NDUFC1: variants seen among roughly 807,000 people sequenced by gnomAD.
NDUFC1 encodes the protein NADH dehydrogenase [ubiquinone] 1 subunit C1, mitochondrial.
In NDUFC1, 11 loss-of-function variants were observed where a neutral mutation model predicts 11.6. That is an observed-to-expected ratio of 0.95 (90% CI 0.60 to 1.58). The LOEUF (loss-of-function observed/expected upper bound fraction) is 1.58. Among genes scored for constraint, NDUFC1 ranks in the 40% most tolerant of loss-of-function variants. The probability of loss-of-function intolerance (pLI) is 0.00; values close to 1 mark genes in which losing one functional copy is unlikely to be tolerated. For synonymous variants in NDUFC1, 52 were observed against 42.2 expected (o/e 1.23, Z -0.90); for missense variants, 112 against 93.0 (o/e 1.20, Z -0.84).
chr4:139,295,041 A>T lies in NDUFC1; in HGVS notation c.171+2T>A, dbSNP rs1236210874. 2 of 1,612,270 alleles carry T rather than the reference A, an allele frequency of 1.2e-6. No homozygotes were observed. On this transcript the variant is annotated splice_donor_variant, in intron 4 of 5. Transcript: ENST00000394223. LOFTEE classifies it high-confidence loss of function. ...CACGACATCCGGGAGTAAAGTACTT[A>T]CATAGATCCACAAGAAGACAGTGGT... is the stretch of plus-strand genomic sequence containing the variant.
chr4:139,298,293 G>C (rs1745549873), intron 1 of NDUFC1, among the ~76,000 whole-genome samples: 1 of 151,580 alleles, frequency 6.6e-6, no homozygotes, highest in Non-Finnish European at 1.5e-5. Context: ...TACAAAATTA[G>C]CCGGGCATGG....
intron 5 of NDUFC1, among the ~76,000 whole-genome samples, chr4:139,291,757 GAAT>G (rs761698679): frequency 2.0e-5 from 3 of 151,596 alleles, no homozygotes; most frequent in East Asian, 3.9e-4. Flanking sequence ...CACACACGAA[GAAT>G]AATAATTTGT....
intron 5 of NDUFC1, among the ~76,000 whole-genome samples, chr4:139,291,023 G>A (rs1472489449): frequency 6.6e-6 from 1 of 151,184 alleles, no homozygotes; most frequent in African/African-American, 2.4e-5. Flanking sequence ...CGTTGGCCAG[G>A]CTGGTCTCTA....
intron 4 of NDUFC1, among the ~76,000 whole-genome samples, chr4:139,292,815 T>C (rs1464584094): frequency 6.6e-6 from 1 of 151,040 alleles, no homozygotes; most frequent in Non-Finnish European, 1.5e-5. Flanking sequence ...CTTAAATATA[T>C]ATATATATAT....
chr4:139,293,147 A>G (rs940501779), intron 4 of NDUFC1, among the ~76,000 whole-genome samples: 26 of 152,244 alleles, frequency 1.7e-4, no homozygotes, highest in African/African-American at 5.8e-4. Context: ...TACTGCCAAA[A>G]ATTTTACCTC....
At chr4:139,300,695 C>T in intron 1 of NDUFC1, 1 of 152,156 alleles carries the variant, frequency 6.6e-6, no homozygotes, top group Non-Finnish European at 1.5e-5. Context: ...CTTCTAAGAT[C>T]TGAGAATTTC....
chr4:139,292,654 G>A, intron 4 of NDUFC1, 45 bp from the exon 5 acceptor site: 2 of 1,214,502 alleles, frequency 1.6e-6, no homozygotes, highest in South Asian at 2.9e-5. Context: ...AATCTTCCTG[G>A]ATACTTATAT....
At chr4:139,292,641 T>G in intron 4 of NDUFC1, 32 bp from the exon 5 acceptor site, 1 of 1,335,468 alleles carries the variant, frequency 7.5e-7, no homozygotes, top group Admixed American at 1.9e-5. Context: ...AAATTAGAAA[T>G]GTAATCTTCC....
At chr4:139,298,433 T>G in intron 1 of NDUFC1, among the ~76,000 whole-genome samples, 1 of 119,796 alleles carries the variant, frequency 8.3e-6, no homozygotes, top group Non-Finnish European at 1.7e-5. Flanking sequence ...AGCGAAACTC[T>G]GTCTCAAAAA....
intron 1 of NDUFC1, among the ~76,000 whole-genome samples, chr4:139,299,211 G>A (rs978932513): frequency 1.3e-4 from 19 of 150,300 alleles, no homozygotes; most frequent in Admixed American, 9.9e-4. Context: ...CTTGTGATCC[G>A]CCCGCCTCAG....
intron 4 of NDUFC1, 74 bp downstream of exon 4, chr4:139,294,969 T>C: frequency 9.1e-7 from 1 of 1,096,684 alleles, no homozygotes. Flanking sequence ...ACAGCACCAT[T>C]CAATCTCGCA....
intron 3 of NDUFC1, 107 bp from the exon 4 acceptor site, chr4:139,295,253 C>T (rs972389693): frequency 2.8e-5 from 23 of 831,466 alleles, no homozygotes; most frequent in Admixed American, 1.8e-4. Flanking sequence ...TCAACTCCCC[C>T]ATCTCCCACT....
chr4:139,294,454 T>A (rs1160434571), intron 4 of NDUFC1, among the ~76,000 whole-genome samples: 1 of 151,642 alleles, frequency 6.6e-6, no homozygotes, highest in African/African-American at 2.4e-5. Context: ...ATAATTACTA[T>A]TGCCGGGCGT....
At chr4:139,297,514 T>A (rs1207984112) in intron 1 of NDUFC1, 71 bp from the exon 2 acceptor site, 1 of 152,190 alleles carries the variant, frequency 6.6e-6, no homozygotes, top group Non-Finnish European at 1.5e-5. Context: ...AGAAGTTGCT[T>A]CATAACATTC....
chr4:139,297,524 C>A lies in NDUFC1; in HGVS notation c.-221-81G>T, dbSNP rs1745519494. The A allele has an allele frequency of 2.6e-5, 4 of 152,122 alleles. No homozygotes were observed. The South Asian group carries it at 8.3e-4, about 31-fold the overall frequency. The allele number at this position is 152,122 out of a possible 1,614,324, so 9.4% of individuals were successfully genotyped here. A position where few individuals can be genotyped will look rare whatever the true frequency, so the allele number is the denominator to read the frequency against. Reference sequence around the variant, plus strand: ...TTGTTAGAAGTTGCTTCATAACATTCATGTAAGCATCTTCAGAATTTGAAC... The same window carrying A: ...TTGTTAGAAGTTGCTTCATAACATTAATGTAAGCATCTTCAGAATTTGAAC... On this transcript the variant is annotated intron_variant, in intron 1 of 5. Coordinates refer to ENST00000394223, the MANE Select transcript of NDUFC1 (RefSeq NM_001184989.2).
chr4:139,292,345 C>A (rs1051641954), intron 5 of NDUFC1, among the ~76,000 whole-genome samples, 185 bp downstream of exon 5: 4 of 151,674 alleles, frequency 2.6e-5, no homozygotes, highest in Admixed American at 2.0e-4. Flanking sequence ...CCCCATCCCC[C>A]CCAAAACAAA....
At chr4:139,292,207 G>A (rs1010213664) in intron 5 of NDUFC1, among the ~76,000 whole-genome samples, 8 of 151,988 alleles carry the variant, frequency 5.3e-5, no homozygotes, top group East Asian at 1.9e-4. Flanking sequence ...AAATGATTAC[G>A]CTAAAAGATT....
intron 1 of NDUFC1, among the ~76,000 whole-genome samples, chr4:139,299,642 T>C (rs969127522): frequency 5.3e-5 from 8 of 152,222 alleles, no homozygotes; most frequent in Admixed American, 2.0e-4. Context: ...TTCAGGCTAC[T>C]GTGTGGTCAG....
At chr4:139,291,234 G>C (rs1258879697) in intron 5 of NDUFC1, among the ~76,000 whole-genome samples, 1 of 151,860 alleles carries the variant, frequency 6.6e-6, no homozygotes, top group Non-Finnish European at 1.5e-5. Context: ...CTGGGTATTA[G>C]TTGAGTTGAC....
Sources: allele counts gnomAD v4.1 joint callset (sites outside exome capture counted in the v4.1 genomes callset), GRCh38; gene constraint gnomAD v4.1.1; transcripts MANE v1.5; gene names NCBI Gene and HGNC (gene_info 2026-07-23, HGNC 2026-07-21).